Variants in ZNF804A observed in about 807,000 individuals in gnomAD.
ZNF804A encodes the protein zinc finger protein 804A.
ZNF804A carries 2 observed loss-of-function variants against 16.5 expected under a neutral mutation model. The ratio of observed to expected loss-of-function variants is 0.12; its 90% CI spans 0.05 to 0.38. The LOEUF (loss-of-function observed/expected upper bound fraction) is 0.38, where lower values mean the gene tolerates loss of function less well. Ranked by LOEUF, ZNF804A falls within the 10% of genes least tolerant of loss-of-function variation. ZNF804A has a pLI of 0.99. For synonymous variants in ZNF804A, 534 were observed against 489.6 expected (o/e 1.09, Z -1.20); for missense variants, 1,473 against 1,390.7 (o/e 1.06, Z -0.94).
chr2:184,814,470 A>G (rs1694948858), intron 1 of ZNF804A, among the ~76,000 whole-genome samples: 1 of 151,990 alleles, frequency 6.6e-6, no homozygotes, highest in Non-Finnish European at 1.5e-5. Flanking sequence ...TTACACATTC[A>G]CCCAATATAT....
At chr2:184,759,737 C>T (rs1235304430) in intron 1 of ZNF804A, among the ~76,000 whole-genome samples, 2 of 151,878 alleles carry the variant, frequency 1.3e-5, no homozygotes, top group Non-Finnish European at 2.9e-5. Context: ...ATGGCCAGTT[C>T]CTGCCTTAAC....
At chr2:184,638,849 C>A (rs1451232575) in intron 1 of ZNF804A, among the ~76,000 whole-genome samples, 2 of 152,108 alleles carry the variant, frequency 1.3e-5, no homozygotes, top group East Asian at 3.9e-4. Context: ...GCTACATGCT[C>A]ACATTTAGCT....
intron 2 of ZNF804A, among the ~76,000 whole-genome samples, chr2:184,907,867 G>A (rs1471710129): frequency 2.0e-5 from 3 of 152,028 alleles, no homozygotes; most frequent in South Asian, 4.2e-4. Flanking sequence ...TAAAATATAG[G>A]AAGTTCACAT....
rs539241390 is a variant in ZNF804A at position 184,929,476 on chromosome 2, T to C, written c.256-4127T>C. 5.3e-5 allele frequency among the ~76,000 whole-genome samples: 8 copies of C among 152,188 alleles called. No individual in the cohort carries two copies. The South Asian group carries it at 8.3e-4, about 16-fold the overall frequency. ...TTACATGTATTTTATGTATTATATA[T>C]GTTTATATATATGTGTGTGTGTGTG... On this transcript the variant is annotated intron_variant, in intron 2 of 3. Coordinates refer to ENST00000302277, the MANE Select transcript of ZNF804A (RefSeq NM_194250.2).
chr2:184,810,290 C>T (rs142964745), intron 1 of ZNF804A, among the ~76,000 whole-genome samples: 274 of 152,040 alleles, frequency 1.8e-3, no homozygotes, highest in Middle Eastern at 6.8e-3. Context: ...TGATCATATC[C>T]GGTTGTAAGA....
intron 2 of ZNF804A, among the ~76,000 whole-genome samples, chr2:184,927,630 C>G (rs1258272482): frequency 6.6e-6 from 1 of 152,168 alleles, no homozygotes; most frequent in Admixed American, 6.5e-5. Flanking sequence ...GGTCCAGAAT[C>G]AAAAACTTTA....
intron 2 of ZNF804A, among the ~76,000 whole-genome samples, chr2:184,931,104 G>A (rs993114007): frequency 5.9e-5 from 9 of 152,256 alleles, no homozygotes; most frequent in East Asian, 3.9e-4. Context: ...AGAACAGCAC[G>A]GGAAAGACCT....
chr2:184,853,412 A>G (rs1250755208), intron 1 of ZNF804A, among the ~76,000 whole-genome samples: 3 of 151,818 alleles, frequency 2.0e-5, no homozygotes, highest in South Asian at 2.1e-4. Context: ...AATTGTATGG[A>G]TAGGACTTCC....
At position 184,936,398 on chromosome 2, in the gene ZNF804A, A is replaced by C. The variant is rs763285114; in HGVS notation, c.1002A>C (p.Gln334His). ...NCQNSVPLAD[Q>H]IPLESVVINE... ...AAAATTCAGTCCCATTAGCAGATCA[A>C]ATACCACTAGAGAGTGTTGTTATTA... Residue 334 changes from glutamine (Q) to histidine (H), a missense_variant, in exon 4 of 4, where the codon CAA becomes CAC. By Grantham distance (24) the Gln-to-His change is conservative (BLOSUM62 0). Transcript: ENST00000302277. 1 of 1,614,020 alleles carries C rather than the reference A, an allele frequency of 6.2e-7. No individual in the cohort carries two copies. Among genetic ancestry groups the C allele is most frequent in the South Asian group, 1.1e-5 (1 of 91,080 alleles).
chr2:184,913,268 A>T lies in ZNF804A; in HGVS notation c.256-20335A>T, dbSNP rs904147543. Among the ~76,000 whole-genome samples the T allele has an allele frequency of 5.3e-5, 8 of 152,298 alleles. No homozygotes were observed. The East Asian group carries it at 1.5e-3, about 29-fold the overall frequency. On this transcript the variant is annotated intron_variant, in intron 2 of 3. Transcript: ENST00000302277. ...TATACATTGGCATAGATTTATAATT[A>T]TTGGATAATGGCACATAGGAATGAA...
At chr2:184,779,204 G>C (rs1245406084) in intron 1 of ZNF804A, among the ~76,000 whole-genome samples, 2 of 151,788 alleles carry the variant, frequency 1.3e-5, no homozygotes, top group East Asian at 3.9e-4. Context: ...GGTTTTCCAG[G>C]TGTAGGCATG....
intron 1 of ZNF804A, among the ~76,000 whole-genome samples, chr2:184,802,492 C>A (rs867360636): frequency 3.9e-5 from 6 of 152,128 alleles, no homozygotes; most frequent in Admixed American, 1.3e-4. Context: ...TGTTCTAACT[C>A]ACATTCAAAC....
At chr2:184,766,077 CCCA>C (rs1275262035) in intron 1 of ZNF804A, among the ~76,000 whole-genome samples, 1 of 151,878 alleles carries the variant, frequency 6.6e-6, no homozygotes, top group Non-Finnish European at 1.5e-5. Context: ...TTAATTTTGC[CCCA>C]CAACATGTAT....
At chr2:184,762,720 A>G (rs1022582712) in intron 1 of ZNF804A, among the ~76,000 whole-genome samples, 1 of 152,106 alleles carries the variant, frequency 6.6e-6, no homozygotes, top group African/African-American at 2.4e-5. Flanking sequence ...AAGGAGAAGA[A>G]TGACACAATA....
intron 1 of ZNF804A, among the ~76,000 whole-genome samples, chr2:184,655,419 C>T (rs1453964062): frequency 6.6e-6 from 1 of 152,090 alleles, no homozygotes; most frequent in Non-Finnish European, 1.5e-5. Context: ...AAGATTACAA[C>T]TGAATTTTTG....
intron 2 of ZNF804A, among the ~76,000 whole-genome samples, chr2:184,892,587 C>G (rs1008981645): frequency 1.3e-5 from 2 of 148,406 alleles, no homozygotes; most frequent in Admixed American, 7.0e-5. Context: ...AAGGTTCAAG[C>G]GAACCTCCTG....
At position 184,762,372 on chromosome 2, in the gene ZNF804A, C is replaced by A. The variant is rs549308911; in HGVS notation, c.112-103997C>A. Among the ~76,000 whole-genome samples the A allele has an allele frequency of 2.6e-5, 4 of 151,770 alleles. No homozygotes were observed. In the East Asian group the frequency reaches 5.8e-4, roughly 22 times the overall value. On this transcript the variant is annotated intron_variant, in intron 1 of 3. Coordinates refer to ENST00000302277, the MANE Select transcript of ZNF804A (RefSeq NM_194250.2). Reference sequence around the variant, plus strand: ...TAATCCGGAGTCAAAATGAATATATCGCATAAGGTCATGCATGTTACAAAG... The same window carrying A: ...TAATCCGGAGTCAAAATGAATATATAGCATAAGGTCATGCATGTTACAAAG...
intron 1 of ZNF804A, among the ~76,000 whole-genome samples, chr2:184,642,987 C>T (rs902184678): frequency 9.2e-5 from 14 of 152,014 alleles, no homozygotes; most frequent in Admixed American, 2.6e-4. Flanking sequence ...TTACAGTTCT[C>T]TTTTATTGAT....
intron 1 of ZNF804A, among the ~76,000 whole-genome samples, chr2:184,677,175 T>C (rs1574158155): frequency 1.3e-5 from 2 of 152,100 alleles, no homozygotes; most frequent in South Asian, 4.1e-4. Context: ...ATAGGATTTA[T>C]CATCACACAT....
Sources: allele counts gnomAD v4.1 joint callset (sites outside exome capture counted in the v4.1 genomes callset), GRCh38; gene constraint gnomAD v4.1.1; transcripts MANE v1.5; gene names NCBI Gene and HGNC (gene_info 2026-07-23, HGNC 2026-07-21).